The following TRPM1 variants were observed in gnomAD, a reference collection of about 807,000 sequenced individuals.
The protein encoded by TRPM1 is transient receptor potential cation channel subfamily M member 1.
A neutral mutation model predicts 149.4 loss-of-function variants in TRPM1; 113 were observed. The ratio of observed to expected loss-of-function variants is 0.76; its 90% confidence interval spans 0.65 to 0.88. The LOEUF (loss-of-function observed/expected upper bound fraction) is 0.88, where lower values mean the gene tolerates loss of function less well. Ranked by LOEUF, TRPM1 falls within the 40% of genes least tolerant of loss-of-function variation. The probability of loss-of-function intolerance (pLI) is 0.00; values close to 1 mark genes in which losing one functional copy is unlikely to be tolerated. For synonymous variants in TRPM1, 741 were observed against 759.5 expected (o/e 0.98, Z 0.40); for missense variants, 1,976 against 2,038.7 (o/e 0.97, Z 0.59).
chr15:31,157,424 T>A (rs2036391710), intron 1 of TRPM1, among the ~76,000 whole-genome samples: 1 of 152,192 alleles, frequency 6.6e-6, no homozygotes, highest in Non-Finnish European at 1.5e-5. Context: ...CTTGTACACA[T>A]GTGCTAGAAT....
chr15:31,045,646 C>A (rs12324921), intron 16 of TRPM1, among the ~76,000 whole-genome samples: 2,928 of 152,258 alleles, frequency 0.019, 92 homozygotes, highest in African/African-American at 0.068. Context: ...GCTCATCATA[C>A]GTTTCCCTTG....
intron 16 of TRPM1, among the ~76,000 whole-genome samples, chr15:31,043,150 C>T (rs2033669406): frequency 1.3e-5 from 2 of 152,162 alleles, no homozygotes; most frequent in Admixed American, 1.3e-4. Context: ...TATCCTGGCT[C>T]TCCAATTCCT....
At chr15:31,141,651 G>A (rs1415867244) in intron 1 of TRPM1, among the ~76,000 whole-genome samples, 1 of 151,950 alleles carries the variant, frequency 6.6e-6, no homozygotes, top group African/African-American at 2.4e-5. Flanking sequence ...AATGACAGGG[G>A]AAAAAAGTAT....
chr15:31,061,560 A>G (rs746124701), intron 9 of TRPM1, 46 bp from the exon 10 acceptor site: 2 of 1,536,192 alleles, frequency 1.3e-6, no homozygotes, highest in Admixed American at 3.3e-5. Context: ...GAAAACAAGA[A>G]GGAGATATGG....
chr15:31,129,040 G>A (rs2035986239), intron 1 of TRPM1, among the ~76,000 whole-genome samples: 1 of 152,216 alleles, frequency 6.6e-6, no homozygotes, highest in South Asian at 2.1e-4. Flanking sequence ...TTGCAGGAGG[G>A]GAAAGGAAGC....
intron 1 of TRPM1, among the ~76,000 whole-genome samples, chr15:31,158,443 C>G (rs756962087): frequency 2.6e-5 from 4 of 151,940 alleles, no homozygotes; most frequent in Admixed American, 6.6e-5. Context: ...CTGGCTAACA[C>G]AGTGAAATGC....
chr15:31,145,752 C>G (rs2036216961), intron 1 of TRPM1, among the ~76,000 whole-genome samples: 1 of 152,028 alleles, frequency 6.6e-6, no homozygotes, highest in African/African-American at 2.4e-5. Context: ...CAATACACAG[C>G]CACTCAAAAT....
Position 31,084,418 on chromosome 15 carries a change from G to C in TRPM1, c.-83-2980C>G, listed in dbSNP as rs1163652911. Among the ~76,000 whole-genome samples, 7 of 152,178 alleles carry C rather than the reference G, an allele frequency of 4.6e-5. No homozygotes were observed. In the East Asian group the frequency reaches 1.4e-3, roughly 29 times the overall value. On this transcript the variant is annotated intron_variant, in intron 1 of 27. Coordinates refer to ENST00000256552, the MANE Select transcript of TRPM1 (RefSeq NM_001252024.2). ...CACAAATCCACTTTCTGTCTCTATGGATTTGCCTATTCTGGGCACTCTATA... is the reference window on the plus strand; with the variant it reads ...CACAAATCCACTTTCTGTCTCTATGCATTTGCCTATTCTGGGCACTCTATA...
At chr15:31,132,655 C>T (rs143000098) in intron 1 of TRPM1, among the ~76,000 whole-genome samples, 5 of 152,310 alleles carry the variant, frequency 3.3e-5, no homozygotes, top group South Asian at 2.1e-4. Context: ...CACTAGTTCC[C>T]GACAGGGCGC....
intron 22 of TRPM1, 53 bp downstream of exon 22, chr15:31,032,636 G>A: frequency 6.2e-7 from 1 of 1,612,330 alleles, no homozygotes; most frequent in Non-Finnish European, 8.5e-7. Context: ...CTGTTCTTAT[G>A]TCCTAACTAC....
chr15:31,042,944 A>G (rs2033665255), intron 16 of TRPM1, among the ~76,000 whole-genome samples: 1 of 152,240 alleles, frequency 6.6e-6, no homozygotes, highest in Admixed American at 6.5e-5. Context: ...TTTAGTATTC[A>G]ATGGAATAAC....
At chr15:31,083,949 C>A (rs1022565582) in intron 1 of TRPM1, among the ~76,000 whole-genome samples, 3 of 152,174 alleles carry the variant, frequency 2.0e-5, no homozygotes, top group Non-Finnish European at 4.4e-5. Context: ...ACCTTTGAAA[C>A]CTATTGTCCT....
intron 13 of TRPM1, 107 bp downstream of exon 13, chr15:31,049,267 TC>T (rs1451116626): frequency 3.3e-6 from 5 of 1,537,184 alleles, no homozygotes; most frequent in Middle Eastern, 1.8e-4. Flanking sequence ...AGTACGGACC[TC>T]CCAGCTGAAG....
At chr15:31,063,409 C>T (rs963881831) in intron 7 of TRPM1, 117 bp from the exon 8 acceptor site, 2 of 1,337,188 alleles carry the variant, frequency 1.5e-6, no homozygotes, top group African/African-American at 2.9e-5. Context: ...GATGTTCTAT[C>T]TGGCTGGAAG....
At chr15:31,105,547 T>G (rs1006080746), upstream of TRPM1, among the ~76,000 whole-genome samples, 5 of 152,112 alleles carry the variant, frequency 3.3e-5, no homozygotes, top group African/African-American at 4.8e-5. Flanking sequence ...AACAGAGGGA[T>G]TTTACTTAAC....
At chr15:31,063,371 G>T in intron 7 of TRPM1, 79 bp from the exon 8 acceptor site, 1 of 1,574,380 alleles carries the variant, frequency 6.4e-7, no homozygotes, top group Non-Finnish European at 8.7e-7. Context: ...TGAAGTATGG[G>T]GAAGAGTAAA....
intron 16 of TRPM1, 76 bp downstream of exon 16, chr15:31,046,128 G>A (rs548533308): frequency 1.5e-5 from 22 of 1,462,484 alleles, no homozygotes; most frequent in Middle Eastern, 1.7e-4. Context: ...TCGTATATTC[G>A]CAAATACAGA....
upstream of TRPM1, among the ~76,000 whole-genome samples, chr15:31,106,150 T>C (rs2035603421): frequency 6.6e-6 from 1 of 151,966 alleles, no homozygotes; most frequent in African/African-American, 2.4e-5. Flanking sequence ...TCTTTTTTTT[T>C]TTTTTGAGAT....
intron 22 of TRPM1, 141 bp from the exon 23 acceptor site, chr15:31,031,298 C>T: frequency 1.1e-6 from 1 of 908,624 alleles, no homozygotes; most frequent in Non-Finnish European, 1.7e-6. Flanking sequence ...TCCTTTCTTC[C>T]CATCCCTGGG....
Sources: allele counts gnomAD v4.1 joint callset (sites outside exome capture counted in the v4.1 genomes callset), GRCh38; gene constraint gnomAD v4.1.1; transcripts MANE v1.5; gene names NCBI Gene and HGNC (gene_info 2026-07-23, HGNC 2026-07-21).